The following PDE4D variants were observed in gnomAD, a reference collection of about 807,000 sequenced individuals.
PDE4D encodes the protein 3',5'-cyclic-AMP phosphodiesterase 4D.
Under a neutral mutation model 87.4 loss-of-function variants are expected in PDE4D, and 24 were observed. That is an observed-to-expected ratio of 0.27 (90% CI 0.20 to 0.39). PDE4D has a LOEUF of 0.39. PDE4D is among the 10% of genes least tolerant of loss of function. PDE4D has a pLI of 1.00. For synonymous variants in PDE4D, 384 were observed against 383.2 expected (o/e 1.00, Z -0.02); for missense variants, 714 against 1,041.0 (o/e 0.69, Z 4.32).
At chr5:59,068,411 T>C (rs1321198877) in intron 5 of PDE4D, among the ~76,000 whole-genome samples, 1 of 152,176 alleles carries the variant, frequency 6.6e-6, no homozygotes, top group Non-Finnish European at 1.5e-5. Flanking sequence ...TTCAGTTATT[T>C]ACTCAAAAAT....
At chr5:59,928,378 G>C (rs1755511876) in intron 3 of PDE4D, among the ~76,000 whole-genome samples, 1 of 150,598 alleles carries the variant, frequency 6.6e-6, no homozygotes, top group African/African-American at 2.5e-5. Flanking sequence ...AGGAGTTTGA[G>C]ACCAGCCTGG....
At chr5:59,890,788 A>G (rs1750845759) in intron 1 of PDE4D, among the ~76,000 whole-genome samples, 1 of 152,252 alleles carries the variant, frequency 6.6e-6, no homozygotes, top group African/African-American at 2.4e-5. Context: ...TTGTCTATCA[A>G]ATAGAGATAA....
At chr5:59,077,803 T>G (rs1765968820) in intron 5 of PDE4D, among the ~76,000 whole-genome samples, 1 of 152,052 alleles carries the variant, frequency 6.6e-6, no homozygotes, top group Admixed American at 6.6e-5. Context: ...TCTCCCCCAC[T>G]CCAAGACAGC....
intron 1 of PDE4D, among the ~76,000 whole-genome samples, chr5:60,398,351 T>C (rs1444832989): frequency 6.6e-6 from 1 of 152,226 alleles, no homozygotes; most frequent in Non-Finnish European, 1.5e-5. Flanking sequence ...TTTACGGATC[T>C]GTTACTAGTT....
intron 1 of PDE4D, among the ~76,000 whole-genome samples, chr5:60,355,101 A>G (rs895863126): frequency 2.0e-5 from 3 of 152,098 alleles, no homozygotes; most frequent in African/African-American, 7.2e-5. Context: ...ATTTGTTTTT[A>G]TTTTTACCGT....
chr5:59,837,568 A>G (rs1369857772), intron 1 of PDE4D, among the ~76,000 whole-genome samples: 1 of 152,080 alleles, frequency 6.6e-6, no homozygotes, highest in African/African-American at 2.4e-5. Context: ...ACATTTTCTA[A>G]AATGATGAAT....
chr5:59,307,051 T>C (rs166249), intron 1 of PDE4D, among the ~76,000 whole-genome samples: 4,502 of 58,670 alleles, frequency 0.077, 410 homozygotes, highest in East Asian at 0.19. Flanking sequence ...TCAGAAATAA[T>C]GCCGCATATC....
chr5:60,046,563 GT>G (rs1769285839), intron 2 of PDE4D, among the ~76,000 whole-genome samples: 1 of 152,144 alleles, frequency 6.6e-6, no homozygotes, highest in African/African-American at 2.4e-5. Flanking sequence ...TTTATTGAGA[GT>G]TTTTAGCATG....
rs1766453012 is a variant in PDE4D at position 59,796,135 on chromosome 5, C to A, written c.455+97033G>T. Among the ~76,000 whole-genome samples, 5 of 152,162 alleles carry A rather than the reference C, an allele frequency of 3.3e-5. No individual in the cohort carries two copies. In the South Asian group the frequency reaches 1.0e-3, roughly 32 times the overall value. ...TTACAGCAGCCCTAGGAAATGAATA[C>A]AGCTGGGGACCAGGCTTTTAGTCAA... On this transcript the variant is annotated intron_variant, in intron 1 of 14. Transcript: ENST00000340635.
intron 1 of PDE4D, among the ~76,000 whole-genome samples, chr5:59,453,293 A>G (rs1440693827): frequency 6.6e-6 from 1 of 152,132 alleles, no homozygotes; most frequent in East Asian, 1.9e-4. Flanking sequence ...ACACAGCAAT[A>G]TTGAGATTAG....
At chr5:59,208,167 A>G (rs1401685225) in intron 2 of PDE4D, among the ~76,000 whole-genome samples, 1 of 152,212 alleles carries the variant, frequency 6.6e-6, no homozygotes, top group Non-Finnish European at 1.5e-5. Context: ...ACTCTATCTC[A>G]AAACAAACAA....
At chr5:59,997,290 T>C (rs1265174467) in intron 2 of PDE4D, among the ~76,000 whole-genome samples, 4 of 152,138 alleles carry the variant, frequency 2.6e-5, no homozygotes, top group Admixed American at 1.3e-4. Flanking sequence ...CAGCTAAAAA[T>C]TATGTCTTAC....
In PDE4D at chr5:59,477,193, CTTGT is replaced by C. The variant is rs904222519; in HGVS notation, c.456-261229_456-261226del. Among the ~76,000 whole-genome samples the C allele has an allele frequency of 5.3e-5, 8 of 151,834 alleles. No homozygotes were observed. The East Asian group carries it at 1.5e-3, about 29-fold the overall frequency. ...GATACTGAGTAAAGGATTTCTGTAA[CTTGT>C]TTAATTGTACTGAGCAGCAGCAGCT... On this transcript the variant is annotated intron_variant, in intron 1 of 14. Coordinates refer to ENST00000340635, the MANE Select transcript of PDE4D (RefSeq NM_001104631.2).
At chr5:59,431,207 G>C (rs1333094988) in intron 1 of PDE4D, among the ~76,000 whole-genome samples, 1 of 152,094 alleles carries the variant, frequency 6.6e-6, no homozygotes, top group East Asian at 1.9e-4. Flanking sequence ...TTCTTTGTAA[G>C]CTGTTTTTTC....
chr5:59,668,849 GAAGAA>G (rs1746615143), intron 1 of PDE4D, among the ~76,000 whole-genome samples: 2 of 36,034 alleles, frequency 5.6e-5, no homozygotes, highest in South Asian at 2.3e-3. Context: ...GGAAGAGGAA[GAAGAA>G]GAAGAAGAAG....
intron 5 of PDE4D, among the ~76,000 whole-genome samples, chr5:59,161,886 G>A (rs758607759): frequency 2.0e-5 from 3 of 152,068 alleles, no homozygotes; most frequent in African/African-American, 4.8e-5. Flanking sequence ...TGATGATTAC[G>A]CACAAAGAGA....
At chr5:59,114,171 ATTTT>A (rs35182359) in intron 5 of PDE4D, among the ~76,000 whole-genome samples, 25 of 151,036 alleles carry the variant, frequency 1.7e-4, no homozygotes, top group African/African-American at 5.3e-4. Context: ...ATGCAGAAAA[ATTTT>A]TTTTTTGTTA....
intron 1 of PDE4D, among the ~76,000 whole-genome samples, chr5:59,797,723 T>C (rs1419786731): frequency 6.6e-6 from 1 of 152,026 alleles, no homozygotes; most frequent in Non-Finnish European, 1.5e-5. Context: ...TCCACAACCG[T>C]GAGAAAATAA....
At chr5:59,242,060 A>G (rs1223522542) in intron 1 of PDE4D, among the ~76,000 whole-genome samples, 1 of 152,160 alleles carries the variant, frequency 6.6e-6, no homozygotes, top group Non-Finnish European at 1.5e-5. Context: ...CTATTTATTG[A>G]ATGAATTTTC....
Sources: gnomAD v4.1 joint callset for allele counts (sites outside exome capture counted in the v4.1 genomes callset) on GRCh38, gnomAD v4.1.1 for gene constraint, MANE v1.5 for transcripts, NCBI Gene and HGNC (gene_info 2026-07-23, HGNC 2026-07-21) for gene names.